TENM2: variants seen among roughly 807,000 people sequenced by gnomAD.
TENM2 encodes teneurin transmembrane protein 2.
Under a neutral mutation model 245.2 loss-of-function variants are expected in TENM2, and 52 were observed. The ratio of observed to expected loss-of-function variants is 0.21; its 90% CI spans 0.17 to 0.27. The LOEUF (loss-of-function observed/expected upper bound fraction) is 0.27, where lower values mean the gene tolerates loss of function less well. Ranked by LOEUF, TENM2 falls within the 10% of genes least tolerant of loss-of-function variation. The pLI, the probability that TENM2 is intolerant of heterozygous loss-of-function variation, is 1.00. For missense variants in TENM2, 3,046 were observed against 3,666.8 expected (o/e 0.83, Z 4.37); for synonymous variants, 1,363 against 1,438.9 (o/e 0.95, Z 1.19).
intron 2 of TENM2, among the ~76,000 whole-genome samples, chr5:167,460,541 C>T (rs908447660): frequency 1.3e-5 from 2 of 151,870 alleles, no homozygotes; most frequent in East Asian, 1.9e-4. Flanking sequence ...CTCCATAGTT[C>T]TTAACATAGA....
intron 3 of TENM2, among the ~76,000 whole-genome samples, chr5:167,891,770 G>C (rs1053051546): frequency 6.6e-6 from 1 of 152,042 alleles, no homozygotes; most frequent in Non-Finnish European, 1.5e-5. Flanking sequence ...GCATTGCCTG[G>C]GTCTGAAGAT....
chr5:167,165,669 G>C, the TENM2 span, among the ~76,000 whole-genome samples: 1 of 151,946 alleles, frequency 6.6e-6, no homozygotes, highest in Admixed American at 6.6e-5. Context: ...ATAAGATCAA[G>C]GTAAAATAAG....
chr5:167,356,522 A>C (rs1033879001), intron 1 of TENM2, among the ~76,000 whole-genome samples: 2 of 152,234 alleles, frequency 1.3e-5, no homozygotes. Flanking sequence ...TGCAATGACT[A>C]AACAGTTATT....
At chr5:167,439,765 C>G (rs746030502) in intron 2 of TENM2, among the ~76,000 whole-genome samples, 29 of 152,158 alleles carry the variant, frequency 1.9e-4, no homozygotes, top group Non-Finnish European at 3.7e-4. Context: ...TCCTCTCAGA[C>G]AAAGCCAGGA....
At chr5:167,564,285 T>C (rs549269523) in intron 2 of TENM2, among the ~76,000 whole-genome samples, 1 of 152,284 alleles carries the variant, frequency 6.6e-6, no homozygotes, top group South Asian at 2.1e-4. Flanking sequence ...AAGTAATCCA[T>C]GTTCATGAAG....
chr5:167,243,027 G>GT, the TENM2 span, among the ~76,000 whole-genome samples: 88 of 147,158 alleles, frequency 6.0e-4, no homozygotes, highest in Admixed American at 2.4e-3. Context: ...ACATGTTGAG[G>GT]TTTTTTTTTT....
intron 2 of TENM2, among the ~76,000 whole-genome samples, chr5:167,603,189 A>G (rs931026492): frequency 1.8e-4 from 28 of 152,122 alleles, no homozygotes; most frequent in Non-Finnish European, 8.8e-5. Context: ...GGGGCTAGTA[A>G]TCAATTAACA....
chr5:167,376,778 G>A (rs542364149), intron 2 of TENM2, among the ~76,000 whole-genome samples: 1 of 152,220 alleles, frequency 6.6e-6, no homozygotes, highest in Non-Finnish European at 1.5e-5. Flanking sequence ...ACTCTGAGGT[G>A]CTTATTTAAT....
intron 9 of TENM2, among the ~76,000 whole-genome samples, chr5:168,116,412 C>T (rs1389806332): frequency 6.6e-6 from 1 of 152,146 alleles, no homozygotes; most frequent in African/African-American, 2.4e-5. Flanking sequence ...GAGATACTTA[C>T]ATTTCAAATC....
chr5:167,103,280 T>G, the TENM2 span, among the ~76,000 whole-genome samples: 1 of 152,206 alleles, frequency 6.6e-6, no homozygotes. Flanking sequence ...GGAGCATAGA[T>G]ATCTCTTAGT....
chr5:168,094,737 C>T (rs931461549), intron 8 of TENM2, among the ~76,000 whole-genome samples: 19 of 151,956 alleles, frequency 1.3e-4, no homozygotes, highest in African/African-American at 4.6e-4. Flanking sequence ...ACCCAGATCC[C>T]TCCATGTGCA....
intron 3 of TENM2, among the ~76,000 whole-genome samples, chr5:167,937,316 A>G (rs1778798828): frequency 6.6e-6 from 1 of 152,228 alleles, no homozygotes; most frequent in South Asian, 2.1e-4. Context: ...GTGACAAGGA[A>G]TAAAGCCGCT....
chr5:167,034,359 G>T, the TENM2 span, among the ~76,000 whole-genome samples: 1 of 151,292 alleles, frequency 6.6e-6, no homozygotes, highest in South Asian at 2.1e-4. Flanking sequence ...GGCCGGGCGC[G>T]GTGGCTCACG....
chr5:167,989,167 T>G (rs964413927), intron 4 of TENM2, among the ~76,000 whole-genome samples: 5 of 152,052 alleles, frequency 3.3e-5, no homozygotes, highest in Non-Finnish European at 7.4e-5. Flanking sequence ...AAAATAATTA[T>G]ATATAGAAAG....
the TENM2 span, among the ~76,000 whole-genome samples, chr5:167,028,523 A>G: frequency 1.3e-3 from 202 of 152,100 alleles, no homozygotes; most frequent in Non-Finnish European, 1.8e-3. Flanking sequence ...TTTGATTTTT[A>G]TATATTTGGT....
chr5:168,077,515 T>C (rs545894945), intron 7 of TENM2, among the ~76,000 whole-genome samples: 28 of 152,126 alleles, frequency 1.8e-4, no homozygotes, highest in Non-Finnish European at 3.1e-4. Flanking sequence ...GCCATGTTGG[T>C]GTGCTGCACC....
intron 7 of TENM2, among the ~76,000 whole-genome samples, chr5:168,078,787 A>G (rs994306285): frequency 1.3e-5 from 2 of 152,106 alleles, no homozygotes; most frequent in African/African-American, 2.4e-5. Flanking sequence ...CCATTGATCT[A>G]TATCTCTGTT....
upstream of TENM2, among the ~76,000 whole-genome samples, chr5:167,283,622 A>T (rs74494427): frequency 3.3e-5 from 5 of 152,216 alleles, no homozygotes; most frequent in Non-Finnish European, 5.9e-5. Flanking sequence ...ATTTCCTGAC[A>T]TATTGAGGAG....
the TENM2 span, among the ~76,000 whole-genome samples, chr5:167,189,856 C>T: frequency 6.6e-6 from 1 of 151,858 alleles, no homozygotes; most frequent in African/African-American, 2.4e-5. Flanking sequence ...ATATCAGGTA[C>T]CTTGAGATAT....
Sources: gnomAD v4.1 joint callset for allele counts (sites outside exome capture counted in the v4.1 genomes callset) on GRCh38, gnomAD v4.1.1 for gene constraint, MANE v1.5 for transcripts, NCBI Gene and HGNC (gene_info 2026-07-23, HGNC 2026-07-21) for gene names.